APBA2: variants seen among roughly 807,000 people sequenced by gnomAD.
The protein encoded by APBA2 is amyloid-beta A4 precursor protein-binding family A member 2.
Under a neutral mutation model 75.0 loss-of-function variants are expected in APBA2, and 30 were observed. The ratio of observed to expected loss-of-function variants is 0.40; its 90% CI spans 0.30 to 0.54. The LOEUF (loss-of-function observed/expected upper bound fraction) is 0.54, where lower values mean the gene tolerates loss of function less well. APBA2 is among the 20% of genes least tolerant of loss of function. APBA2 has a pLI of 0.49. For synonymous variants in APBA2, 444 were observed against 409.6 expected (o/e 1.08, Z -1.01); for missense variants, 801 against 1,016.1 (o/e 0.79, Z 2.88).
At chr15:29,073,779 G>A (rs1044437247) in intron 4 of APBA2, among the ~76,000 whole-genome samples, 2 of 152,212 alleles carry the variant, frequency 1.3e-5, no homozygotes, top group African/African-American at 4.8e-5. Flanking sequence ...TCTGGGAGGT[G>A]GACAGGGATT....
intron 4 of APBA2, among the ~76,000 whole-genome samples, chr15:29,060,135 A>G (rs188992244): frequency 6.6e-4 from 100 of 152,318 alleles, no homozygotes; most frequent in Middle Eastern, 3.4e-3. Context: ...TCATTGTGTT[A>G]TCATCAGGAC....
chr15:29,006,408 A>G (rs1414590409), intron 3 of APBA2, among the ~76,000 whole-genome samples: 3 of 152,232 alleles, frequency 2.0e-5, no homozygotes, highest in Non-Finnish European at 4.4e-5. Flanking sequence ...ATTAAAGAAG[A>G]CACCAGTAAA....
Position 29,077,780 on chromosome 15 carries a change from A to G in APBA2, c.1069+1689A>G, listed in dbSNP as rs151033233. On this transcript the variant is annotated intron_variant, in intron 6 of 14. Transcript: ENST00000683413. ...AAACATAGAAAACTGAAGCAAAACA[A>G]CATCCTTTACTATTACAGCATTTAT... 5.2e-4 allele frequency among the ~76,000 whole-genome samples: 79 copies of G among 152,362 alleles called. No homozygotes were observed. The East Asian group carries it at 0.015, about 28-fold the overall frequency.
At chr15:28,901,594 G>A (rs987318667) in intron 1 of APBA2, among the ~76,000 whole-genome samples, 1 of 152,130 alleles carries the variant, frequency 6.6e-6, no homozygotes, top group Non-Finnish European at 1.5e-5. Flanking sequence ...TTCTTGGTTG[G>A]GGGGTGGCGC....
intron 2 of APBA2, among the ~76,000 whole-genome samples, chr15:28,992,077 A>G (rs2038264139): frequency 6.6e-6 from 1 of 151,966 alleles, no homozygotes. Context: ...GCTTAGGGAG[A>G]TGGGTTCCTT....
chr15:28,947,158 G>A (rs2035595676), intron 2 of APBA2, among the ~76,000 whole-genome samples: 1 of 152,204 alleles, frequency 6.6e-6, no homozygotes, highest in Non-Finnish European at 1.5e-5. Flanking sequence ...TGCAGCTCTT[G>A]GGAGGTGAAG....
intron 1 of APBA2, among the ~76,000 whole-genome samples, chr15:28,910,436 TG>T (rs1248237377): frequency 6.6e-6 from 1 of 152,198 alleles, no homozygotes; most frequent in African/African-American, 2.4e-5. Context: ...ATCTTAATGG[TG>T]TGCAATAAAT....
intron 6 of APBA2, among the ~76,000 whole-genome samples, chr15:29,086,760 A>G (rs1387251604): frequency 6.6e-6 from 1 of 152,198 alleles, no homozygotes; most frequent in Non-Finnish European, 1.5e-5. Context: ...AACTGGATAC[A>G]CTTTTAGATT....
At chr15:29,102,860 G>A (rs1481985694) in intron 10 of APBA2, 3 of 152,156 alleles carry the variant, frequency 2.0e-5, no homozygotes, top group African/African-American at 7.2e-5. Flanking sequence ...ATAGGGAAGG[G>A]TCCCCATATT....
rs918000186 is a variant in APBA2 at position 28,911,993 on chromosome 15, C to G, written c.-204-9647C>G. On this transcript the variant is annotated intron_variant, in intron 1 of 14. Coordinates refer to ENST00000683413, the MANE Select transcript of APBA2 (RefSeq NM_001353788.2). Reference sequence around the variant, plus strand: ...TTCAAGAGCATCATCTTCGGAAATCCTATATAGCAATGAAGTGATTTTTTT... The same window carrying G: ...TTCAAGAGCATCATCTTCGGAAATCGTATATAGCAATGAAGTGATTTTTTT... 5.9e-5 allele frequency among the ~76,000 whole-genome samples: 9 copies of G among 152,216 alleles called. No individual in the cohort carries two copies. In the South Asian group the frequency reaches 8.3e-4, roughly 14 times the overall value.
chr15:29,108,429 C>T, intron 13 of APBA2, 40 bp downstream of exon 13: 2 of 1,613,466 alleles, frequency 1.2e-6, no homozygotes, highest in Middle Eastern at 3.3e-4. Context: ...ACCACCACTG[C>T]AGGGCCCAGG....
chr15:28,898,541 A>G (rs2032650606), intron 1 of APBA2, among the ~76,000 whole-genome samples: 1 of 152,190 alleles, frequency 6.6e-6, no homozygotes, highest in Admixed American at 6.5e-5. Context: ...TCATGTGTGG[A>G]AATCAGGTTG....
At chr15:29,005,675 G>A (rs1015995553) in intron 3 of APBA2, among the ~76,000 whole-genome samples, 3 of 152,104 alleles carry the variant, frequency 2.0e-5, no homozygotes, top group Non-Finnish European at 4.4e-5. Flanking sequence ...GACCATCCTG[G>A]CCAACATGGT....
intron 1 of APBA2, among the ~76,000 whole-genome samples, chr15:28,886,722 C>A (rs1232534411): frequency 1.3e-5 from 2 of 152,196 alleles, no homozygotes; most frequent in East Asian, 3.9e-4. Flanking sequence ...GTTCGCTGCC[C>A]CCAGAGAACC....
At chr15:28,993,602 C>G (rs2038352435) in intron 2 of APBA2, among the ~76,000 whole-genome samples, 1 of 152,116 alleles carries the variant, frequency 6.6e-6, no homozygotes, top group South Asian at 2.1e-4. Context: ...GGGCCTGCTT[C>G]CTCTTATGGA....
intron 3 of APBA2, among the ~76,000 whole-genome samples, chr15:29,016,036 A>C (rs1300491746): frequency 6.6e-6 from 1 of 152,192 alleles, no homozygotes; most frequent in East Asian, 1.9e-4. Flanking sequence ...AGGCGGGCGG[A>C]TCACAAGGTC....
chr15:28,978,450 C>T (rs2037454550), intron 2 of APBA2, among the ~76,000 whole-genome samples: 1 of 152,206 alleles, frequency 6.6e-6, no homozygotes, highest in East Asian at 1.9e-4. Context: ...GTGGCACACC[C>T]AGGACTGGGC....
intron 3 of APBA2, among the ~76,000 whole-genome samples, chr15:29,005,971 A>G (rs1197745897): frequency 6.6e-6 from 1 of 152,250 alleles, no homozygotes; most frequent in Non-Finnish European, 1.5e-5. Context: ...ACCAGCCAAC[A>G]GCATACCCAG....
intron 2 of APBA2, among the ~76,000 whole-genome samples, chr15:28,968,723 T>A (rs2036873530): frequency 6.6e-6 from 1 of 152,156 alleles, no homozygotes; most frequent in African/African-American, 2.4e-5. Context: ...GGAGAAATGG[T>A]CTTTACAGAG....
Sources: allele counts gnomAD v4.1 joint callset (sites outside exome capture counted in the v4.1 genomes callset), GRCh38; gene constraint gnomAD v4.1.1; transcripts MANE v1.5; gene names NCBI Gene and HGNC (gene_info 2026-07-23, HGNC 2026-07-21).